The following ULK4 variants were observed in gnomAD, a reference collection of about 807,000 sequenced individuals.
The protein encoded by ULK4 is unc-51 like kinase 4, also known as inactive serine/threonine-protein kinase ULK4.
A neutral mutation model predicts 160.6 loss-of-function variants in ULK4; 133 were observed. The ratio of observed to expected loss-of-function variants is 0.83; its 90% CI spans 0.72 to 0.96. ULK4 has a LOEUF of 0.96. Among genes scored for constraint, ULK4 ranks in the 40% least tolerant of loss-of-function variants. ULK4 has a pLI of 0.00. For synonymous variants in ULK4, 534 were observed against 539.8 expected, an observed-to-expected ratio of 0.99 and a Z score of 0.15; for missense variants, 1,580 against 1,499.5, an observed-to-expected ratio of 1.05 and a Z score of -0.89.
intron 35 of ULK4, among the ~76,000 whole-genome samples, chr3:41,268,524 G>A (rs1050884195): frequency 1.3e-5 from 2 of 152,238 alleles, no homozygotes; most frequent in Non-Finnish European, 1.5e-5. Context: ...CCTCACACTC[G>A]GCAGGGCATG....
intron 35 of ULK4, among the ~76,000 whole-genome samples, chr3:41,363,442 G>C (rs543092758): frequency 4.6e-5 from 7 of 152,284 alleles, no homozygotes; most frequent in Admixed American, 1.3e-4. Context: ...GGAGGTTCTG[G>C]CCTGGGATAG....
chr3:41,256,398 G>T (rs1253793337), intron 35 of ULK4, among the ~76,000 whole-genome samples: 2 of 152,202 alleles, frequency 1.3e-5, no homozygotes, highest in Non-Finnish European at 2.9e-5. Context: ...CAGACACACA[G>T]ATAATGGAAT....
intron 18 of ULK4, among the ~76,000 whole-genome samples, chr3:41,825,885 C>A (rs535633805): frequency 3.0e-4 from 45 of 152,164 alleles, no homozygotes; most frequent in African/African-American, 1.0e-3. Context: ...AAATGAAGAA[C>A]AAAATGTTAA....
intron 35 of ULK4, among the ~76,000 whole-genome samples, chr3:41,348,232 A>AAAAAAAAAAAAGG (rs2080842308): frequency 6.8e-6 from 1 of 146,350 alleles, no homozygotes; most frequent in African/African-American, 2.6e-5. Flanking sequence ...AAAAAAAAAA[A>AAAAAAAAAAAAGG]GTACATGGAC....
chr3:41,551,566 C>A (rs1346238288), intron 32 of ULK4, among the ~76,000 whole-genome samples: 2 of 151,656 alleles, frequency 1.3e-5, no homozygotes, highest in Non-Finnish European at 3.0e-5. Flanking sequence ...AAGATTGAAT[C>A]AGGAAAAACA....
At chr3:41,427,970 G>A (rs1456094464) in intron 34 of ULK4, among the ~76,000 whole-genome samples, 1 of 149,546 alleles carries the variant, frequency 6.7e-6, no homozygotes, top group Non-Finnish European at 1.5e-5. Context: ...AGGAAGATAG[G>A]AAGTCAAACT....
chr3:41,641,666 G>C (rs1448156788), intron 30 of ULK4, among the ~76,000 whole-genome samples: 1 of 152,188 alleles, frequency 6.6e-6, no homozygotes, highest in East Asian at 1.9e-4. Flanking sequence ...AAGAGTTCCA[G>C]AGCAGGCTGA....
At chr3:41,817,722 T>C (rs913100908) in intron 19 of ULK4, among the ~76,000 whole-genome samples, 1 of 152,108 alleles carries the variant, frequency 6.6e-6, no homozygotes, top group African/African-American at 2.4e-5. Context: ...AACCACAGCA[T>C]ATACCCATGT....
chr3:41,866,516 C>A lies in ULK4; in HGVS notation c.1656+17358G>T, dbSNP rs568270703. On this transcript the variant is annotated intron_variant, in intron 17 of 36. Transcript: ENST00000301831. ...TGCGCAGTTCACAATAGGGTTCACG[C>A]TCCTATGAGCATCTAATGCCACTGC... Among the ~76,000 whole-genome samples, 17 of 152,192 alleles carry A rather than the reference C, an allele frequency of 1.1e-4. 1 individual carries two copies. The South Asian group carries it at 1.2e-3, about 11-fold the overall frequency.
At chr3:41,857,760 C>T (rs748092999) in intron 17 of ULK4, among the ~76,000 whole-genome samples, 39 of 152,184 alleles carry the variant, frequency 2.6e-4, no homozygotes, top group Non-Finnish European at 4.4e-4. Context: ...ATATAGTTGA[C>T]ATAGCAGTCG....
intron 35 of ULK4, among the ~76,000 whole-genome samples, chr3:41,312,087 C>T (rs2080062413): frequency 6.6e-6 from 1 of 152,150 alleles, no homozygotes; most frequent in African/African-American, 2.4e-5. Context: ...TAACCTCCTG[C>T]CTCAGCCTCC....
chr3:41,474,667 C>T (rs2084086686), intron 32 of ULK4, among the ~76,000 whole-genome samples: 1 of 151,230 alleles, frequency 6.6e-6, no homozygotes, highest in Non-Finnish European at 1.5e-5. Flanking sequence ...GAAAAACATT[C>T]TGATTTAAAA....
In ULK4 at chr3:41,956,608, TATTA is replaced by T. The variant is rs775443954; in HGVS notation, c.-48-1805_-48-1802del. Among the ~76,000 whole-genome samples, 28 of 152,216 alleles carry T rather than the reference TATTA, an allele frequency of 1.8e-4. 1 individual carries two copies. The highest frequency in any genetic ancestry group is 5.2e-4 in the Admixed American group (8 of 15,290). ...AGAAACATATGCCCCACCTAGACCT[TATTA>T]ATTATGAGAAGTAAAAGAGAAAACA... is the stretch of plus-strand genomic sequence containing the variant. On this transcript the variant is annotated intron_variant, in intron 1 of 36. Coordinates refer to ENST00000301831, the MANE Select transcript of ULK4 (RefSeq NM_017886.4).
chr3:41,715,735 C>A (rs1417264515), intron 23 of ULK4, among the ~76,000 whole-genome samples, 167 bp from the exon 24 acceptor site: 1 of 152,022 alleles, frequency 6.6e-6, no homozygotes, highest in Non-Finnish European at 1.5e-5. Context: ...ACACTTATGG[C>A]CTCCGGGGAC....
At chr3:41,732,727 A>T (rs962516985) in intron 22 of ULK4, among the ~76,000 whole-genome samples, 3 of 152,200 alleles carry the variant, frequency 2.0e-5, no homozygotes, top group African/African-American at 7.2e-5. Flanking sequence ...CTACGTGTCC[A>T]TCAATGAATG....
At chr3:41,689,884 G>A (rs1222828802) in intron 27 of ULK4, among the ~76,000 whole-genome samples, 14 of 148,556 alleles carry the variant, frequency 9.4e-5, no homozygotes, top group Non-Finnish European at 1.3e-4. Context: ...TCAGTGTGGC[G>A]ATTCCTCAGG....
At chr3:41,676,591 A>G (rs2035723111) in intron 29 of ULK4, among the ~76,000 whole-genome samples, 1 of 148,784 alleles carries the variant, frequency 6.7e-6, no homozygotes, top group Non-Finnish European at 1.5e-5. Context: ...AAACTTCTTC[A>G]GTTAAAAAAA....
intron 35 of ULK4, among the ~76,000 whole-genome samples, chr3:41,365,700 C>A (rs2081241558): frequency 6.6e-6 from 1 of 152,020 alleles, no homozygotes; most frequent in African/African-American, 2.4e-5. Context: ...GACTGGAACC[C>A]AAGGCTGCCT....
At chr3:41,808,016 C>A (rs1314128805) in intron 19 of ULK4, among the ~76,000 whole-genome samples, 1 of 152,182 alleles carries the variant, frequency 6.6e-6, no homozygotes, top group Non-Finnish European at 1.5e-5. Context: ...CGTCGCGTAT[C>A]TCCTAGTTGT....
Sources: gnomAD v4.1 joint callset for allele counts (sites outside exome capture counted in the v4.1 genomes callset) on GRCh38, gnomAD v4.1.1 for gene constraint, MANE v1.5 for transcripts, NCBI Gene and HGNC (gene_info 2026-07-23, HGNC 2026-07-21) for gene names.